LRRC8D: variants seen among roughly 807,000 people sequenced by gnomAD.
LRRC8D encodes the protein volume-regulated anion channel subunit LRRC8D.
In LRRC8D, 20 loss-of-function variants were observed where a neutral mutation model predicts 55.8. The ratio of observed to expected loss-of-function variants is 0.36; its 90% CI spans 0.25 to 0.52. The LOEUF (loss-of-function observed/expected upper bound fraction) is 0.52. Among genes scored for constraint, LRRC8D ranks in the 20% least tolerant of loss-of-function variants. The pLI is 0.93. For missense variants in LRRC8D, 651 were observed against 1,030.8 expected, an observed-to-expected ratio of 0.63 and a Z score of 5.05; for synonymous variants, 352 against 377.0, an observed-to-expected ratio of 0.93 and a Z score of 0.77.
At position 89,852,337 on chromosome 1, in the gene LRRC8D, C is replaced by T. The variant is rs1661440702; in HGVS notation, c.-3+8555C>T. Among the ~76,000 whole-genome samples, 3 of 152,192 alleles carry T rather than the reference C, an allele frequency of 2.0e-5. No homozygotes were observed. In the South Asian group the frequency reaches 6.2e-4, roughly 31 times the overall value. ...CATTTCTCATTCAGATTCCTCTGTG[C>T]TCCCCTTAGTAGCTGTCCTACCAGC... is the stretch of plus-strand genomic sequence containing the variant. On this transcript the variant is annotated intron_variant, in intron 2 of 2. Transcript: ENST00000337338.
chr1:89,910,839 C>A (rs1055633593), intron 2 of LRRC8D, among the ~76,000 whole-genome samples: 11 of 152,124 alleles, frequency 7.2e-5, no homozygotes, highest in Non-Finnish European at 1.2e-4. Flanking sequence ...TCTTCCCCTG[C>A]CTATTAGCAG....
At chr1:89,893,062 C>G (rs764261280) in intron 2 of LRRC8D, among the ~76,000 whole-genome samples, 50 of 152,078 alleles carry the variant, frequency 3.3e-4, no homozygotes, top group Admixed American at 2.0e-3. Flanking sequence ...ACAAAATAGA[C>G]AGGATCTCAG....
At chr1:89,912,853 C>T (rs1663169944) in intron 2 of LRRC8D, among the ~76,000 whole-genome samples, 1 of 152,152 alleles carries the variant, frequency 6.6e-6, no homozygotes, top group South Asian at 2.1e-4. Flanking sequence ...TAAAATAAGT[C>T]TGTCCAAATC....
At chr1:89,895,453 A>G (rs925063546) in intron 2 of LRRC8D, among the ~76,000 whole-genome samples, 2 of 152,186 alleles carry the variant, frequency 1.3e-5, no homozygotes, top group Non-Finnish European at 2.9e-5. Context: ...GCCCTGTGCA[A>G]ACTCAAAACA....
chr1:89,929,173 G>T (rs940354834), intron 2 of LRRC8D, among the ~76,000 whole-genome samples: 1 of 152,222 alleles, frequency 6.6e-6, no homozygotes, highest in Non-Finnish European at 1.5e-5. Flanking sequence ...TGTGATAAGG[G>T]CTGTGATGGG....
At chr1:89,867,268 A>G (rs963742818) in intron 2 of LRRC8D, among the ~76,000 whole-genome samples, 1 of 152,230 alleles carries the variant, frequency 6.6e-6, no homozygotes, top group East Asian at 1.9e-4. Flanking sequence ...ATACTTTTTC[A>G]TAAATTATGT....
Position 89,929,279 on chromosome 1 carries a change from A to G in LRRC8D, c.-2-3788A>G, listed in dbSNP as rs80278821. 1.1e-4 allele frequency among the ~76,000 whole-genome samples: 17 copies of G among 152,330 alleles called. 1 individual carries two copies. In the East Asian group the frequency reaches 3.3e-3, roughly 29 times the overall value. On this transcript the variant is annotated intron_variant, in intron 2 of 2. Transcript: ENST00000337338. Reference sequence around the variant, plus strand: ...TTCTGGAAAAGGCTGCAGAAACCTGATAGCCTAGTGAAGAGGAGTAGGGAG... The same window carrying G: ...TTCTGGAAAAGGCTGCAGAAACCTGGTAGCCTAGTGAAGAGGAGTAGGGAG...
At chr1:89,930,400 G>A (rs886108321) in intron 2 of LRRC8D, among the ~76,000 whole-genome samples, 31 of 151,972 alleles carry the variant, frequency 2.0e-4, no homozygotes, top group African/African-American at 6.5e-4. Context: ...CACCATATTC[G>A]CCAGGCTGGT....
chr1:89,876,326 C>T (rs1026595054), intron 2 of LRRC8D, among the ~76,000 whole-genome samples: 10 of 152,080 alleles, frequency 6.6e-5, no homozygotes, highest in South Asian at 2.1e-4. Context: ...TTAAAACCAC[C>T]GTGGGGCTCA....
At chr1:89,850,440 A>G (rs1661384384) in intron 2 of LRRC8D, among the ~76,000 whole-genome samples, 1 of 152,152 alleles carries the variant, frequency 6.6e-6, no homozygotes, top group Admixed American at 6.5e-5. Context: ...ACTTTTCAAA[A>G]GGCCCCACTG....
chr1:89,871,872 T>G (rs1482800543), intron 2 of LRRC8D, among the ~76,000 whole-genome samples: 1 of 152,158 alleles, frequency 6.6e-6, no homozygotes, highest in Non-Finnish European at 1.5e-5. Context: ...TTTGCCTGTT[T>G]GTTTGTTTGT....
intron 2 of LRRC8D, among the ~76,000 whole-genome samples, chr1:89,882,914 C>A (rs1347014469): frequency 6.6e-6 from 1 of 152,100 alleles, no homozygotes; most frequent in Non-Finnish European, 1.5e-5. Context: ...GGTAATGAGC[C>A]TAGGGCATAT....
At chr1:89,843,932 A>C in intron 2 of LRRC8D, 150 bp downstream of exon 2, 1 of 488,208 alleles carries the variant, frequency 2.0e-6, no homozygotes, top group Non-Finnish European at 3.7e-6. Flanking sequence ...TCTCTGCCAA[A>C]CTCTGGCTGC....
At chr1:89,892,764 C>T (rs1662612724) in intron 2 of LRRC8D, among the ~76,000 whole-genome samples, 2 of 152,196 alleles carry the variant, frequency 1.3e-5, no homozygotes, top group Non-Finnish European at 2.9e-5. Context: ...TCATGATCCA[C>T]CCACCTCGGC....
chr1:89,863,234 G>A (rs1360929317), intron 2 of LRRC8D, among the ~76,000 whole-genome samples: 1 of 152,170 alleles, frequency 6.6e-6, no homozygotes, highest in African/African-American at 2.4e-5. Flanking sequence ...TATTTGTGAA[G>A]CATTTAGAAC....
chr1:89,923,349 C>T (rs1442449693), intron 2 of LRRC8D, among the ~76,000 whole-genome samples: 2 of 152,122 alleles, frequency 1.3e-5, no homozygotes, highest in Non-Finnish European at 2.9e-5. Context: ...AAACAAAAAT[C>T]CCTTGATAAC....
chr1:89,843,422 CA>C (rs1053057243), intron 1 of LRRC8D: 5 of 349,512 alleles, frequency 1.4e-5, no homozygotes, highest in African/African-American at 1.1e-4. Context: ...AGGCCACCAG[CA>C]GGGGGGGCCC....
At chr1:89,840,208 T>G (rs377600659) in intron 1 of LRRC8D, among the ~76,000 whole-genome samples, 1 of 149,280 alleles carries the variant, frequency 6.7e-6, no homozygotes, top group African/African-American at 2.5e-5. Flanking sequence ...TACATACACG[T>G]GCACACACAC....
chr1:89,925,684 A>G (rs545712721), intron 2 of LRRC8D, among the ~76,000 whole-genome samples: 3 of 152,368 alleles, frequency 2.0e-5, no homozygotes, highest in Non-Finnish European at 4.4e-5. Context: ...CACTCAGTAT[A>G]TATGAAAAGC....
Sources: allele counts gnomAD v4.1 joint callset (sites outside exome capture counted in the v4.1 genomes callset), GRCh38; gene constraint gnomAD v4.1.1; transcripts MANE v1.5; gene names NCBI Gene and HGNC (gene_info 2026-07-23, HGNC 2026-07-21).